Variants in LARGE1 observed in about 807,000 individuals in gnomAD.
LARGE1 encodes LARGE xylosyl- and glucuronyltransferase 1, also known as xylosyl- and glucuronyltransferase LARGE1.
In LARGE1, 43 loss-of-function variants were observed where a neutral mutation model predicts 87.6. The observed-to-expected ratio is 0.49, with a 90% CI of 0.38 to 0.63. The LOEUF (loss-of-function observed/expected upper bound fraction) is 0.63, where lower values mean the gene tolerates loss of function less well. Ranked by LOEUF, LARGE1 falls within the 30% of genes least tolerant of loss-of-function variation. The probability of loss-of-function intolerance (pLI) is 0.00; values close to 1 mark genes in which losing one functional copy is unlikely to be tolerated. For missense variants in LARGE1, 802 were observed against 1,000.2 expected, an observed-to-expected ratio of 0.80 and a Z score of 2.67; for synonymous variants, 434 against 394.6, an observed-to-expected ratio of 1.10 and a Z score of -1.18.
At chr22:33,404,829 C>CT (rs1183700603) in intron 7 of LARGE1, among the ~76,000 whole-genome samples, 10 of 152,204 alleles carry the variant, frequency 6.6e-5, no homozygotes, top group African/African-American at 2.2e-4. Context: ...GCAGTATCTA[C>CT]TGAGTACAGG....
At chr22:33,686,431 T>G (rs762644404) in intron 2 of LARGE1, among the ~76,000 whole-genome samples, 6 of 150,898 alleles carry the variant, frequency 4.0e-5, no homozygotes, top group Admixed American at 6.6e-5. Context: ...TAATCCCAGC[T>G]ACTGGGGAGG....
chr22:33,662,704 A>G (rs766748034), intron 2 of LARGE1, among the ~76,000 whole-genome samples: 79 of 152,280 alleles, frequency 5.2e-4, no homozygotes, highest in Middle Eastern at 3.4e-3. Context: ...CGGCATGAGT[A>G]GCTGCCATCC....
At chr22:33,610,132 C>T (rs1434220738) in intron 4 of LARGE1, among the ~76,000 whole-genome samples, 1 of 152,004 alleles carries the variant, frequency 6.6e-6, no homozygotes, top group East Asian at 1.9e-4. Context: ...GCAAGAACAG[C>T]CTAACACAGA....
chr22:33,449,937 A>T (rs973090617), intron 6 of LARGE1, among the ~76,000 whole-genome samples: 1 of 151,638 alleles, frequency 6.6e-6, no homozygotes, highest in African/African-American at 2.4e-5. Context: ...TTTTTTGAGA[A>T]GTCTTGCTCT....
At chr22:33,683,263 G>A (rs1342627028) in intron 2 of LARGE1, among the ~76,000 whole-genome samples, 1 of 152,202 alleles carries the variant, frequency 6.6e-6, no homozygotes, top group Non-Finnish European at 1.5e-5. Flanking sequence ...CCAATCAATT[G>A]AAGATCTGAG....
the LARGE1 span, among the ~76,000 whole-genome samples, chr22:33,146,588 G>C: frequency 6.6e-6 from 1 of 152,124 alleles, no homozygotes; most frequent in African/African-American, 2.4e-5. Context: ...TCTGGTGGCT[G>C]CAACAATCAT....
At chr22:33,130,197 C>T in the LARGE1 span, among the ~76,000 whole-genome samples, 1 of 150,980 alleles carries the variant, frequency 6.6e-6, no homozygotes, top group South Asian at 2.1e-4. Flanking sequence ...GCCTGTAGTC[C>T]CAGCTACTCT....
At chr22:33,565,753 T>A (rs1301877191) in intron 5 of LARGE1, among the ~76,000 whole-genome samples, 1 of 123,668 alleles carries the variant, frequency 8.1e-6, no homozygotes, top group Non-Finnish European at 1.8e-5. Context: ...GAACCACCCA[T>A]GGAGCACTGA....
At chr22:33,686,553 A>AG (rs1486085602) in intron 2 of LARGE1, among the ~76,000 whole-genome samples, 5 of 69,478 alleles carry the variant, frequency 7.2e-5, no homozygotes, top group African/African-American at 3.3e-4. Flanking sequence ...AAAAAAAAAA[A>AG]AAAAAAAAAA....
chr22:33,220,677 G>A (rs892716674), intron 11 of LARGE1, among the ~76,000 whole-genome samples: 11 of 152,184 alleles, frequency 7.2e-5, no homozygotes, highest in African/African-American at 2.4e-4. Context: ...GCCTGAGCAC[G>A]GCGCTGAAGC....
rs553435830 is a variant in LARGE1 at position 33,547,234 on chromosome 22, A to T, written c.787+17614T>A. On this transcript the variant is annotated intron_variant, in intron 6 of 14. Transcript: ENST00000397394. Reference sequence around the variant, plus strand: ...TTTTCCATGAAGGGTGGTGGGGGGGAGGGTAGGATGGTTTGGGGATGAAAC... The same window carrying T: ...TTTTCCATGAAGGGTGGTGGGGGGGTGGGTAGGATGGTTTGGGGATGAAAC... Among the ~76,000 whole-genome samples, 7 of 145,842 alleles carry T rather than the reference A, an allele frequency of 4.8e-5. No homozygotes were observed. The East Asian group carries it at 1.5e-3, about 30-fold the overall frequency.
intron 11 of LARGE1, among the ~76,000 whole-genome samples, chr22:33,199,836 GCAGA>G (rs771461448): frequency 9.3e-5 from 13 of 139,416 alleles, no homozygotes; most frequent in Non-Finnish European, 2.0e-4. Context: ...CCTGGTACGT[GCAGA>G]CACTTTTTTT....
chr22:33,332,802 T>TCCAGCC (rs1280408307), intron 10 of LARGE1, among the ~76,000 whole-genome samples: 95 of 152,142 alleles, frequency 6.2e-4, no homozygotes, highest in African/African-American at 2.2e-3. Flanking sequence ...TTGCCCCAGC[T>TCCAGCC]CCAGCCCCAG....
chr22:33,368,192 T>C (rs1340521199), intron 9 of LARGE1, among the ~76,000 whole-genome samples: 1 of 152,166 alleles, frequency 6.6e-6, no homozygotes, highest in Non-Finnish European at 1.5e-5. Context: ...AGTTTAAATC[T>C]TCTATAGTCT....
chr22:33,351,078 A>G (rs1417168230), intron 9 of LARGE1, among the ~76,000 whole-genome samples: 2 of 152,232 alleles, frequency 1.3e-5, no homozygotes, highest in Non-Finnish European at 2.9e-5. Flanking sequence ...CTTGTGTGAT[A>G]GCTGTATTCT....
chr22:33,821,950 A>AG (rs1361813630), intron 1 of LARGE1, among the ~76,000 whole-genome samples: 1 of 116,434 alleles, frequency 8.6e-6, no homozygotes, highest in Non-Finnish European at 1.7e-5. Flanking sequence ...TGACTTTTTT[A>AG]GGTTTTTTTT....
At chr22:33,730,804 T>A (rs750999703) in intron 2 of LARGE1, among the ~76,000 whole-genome samples, 10 of 152,018 alleles carry the variant, frequency 6.6e-5, no homozygotes, top group Non-Finnish European at 1.2e-4. Context: ...GCGATTCTTT[T>A]GCCTCAGCCT....
intron 6 of LARGE1, among the ~76,000 whole-genome samples, chr22:33,498,953 C>T (rs552107120): frequency 2.6e-5 from 4 of 152,106 alleles, no homozygotes; most frequent in Non-Finnish European, 5.9e-5. Context: ...GCCTGGGGAA[C>T]AGAGGGAGAT....
In LARGE1 at chr22:33,908,894, C is replaced by T. The variant is rs187613902; in HGVS notation, c.-83+11101G>A. On this transcript the variant is annotated intron_variant, in intron 1 of 14. Transcript: ENST00000397394. Reference sequence around the variant, plus strand: ...ATTGGCTTCACTTTTAAGGTGAATCCAGAACCCAGATGTCAGAGCTCCAAG... The same window carrying T: ...ATTGGCTTCACTTTTAAGGTGAATCTAGAACCCAGATGTCAGAGCTCCAAG... Among the ~76,000 whole-genome samples, 9 of 152,246 alleles carry T rather than the reference C, an allele frequency of 5.9e-5. No individual in the cohort carries two copies. The East Asian group carries it at 1.7e-3, about 29-fold the overall frequency.
Sources: gnomAD v4.1 joint callset for allele counts (sites outside exome capture counted in the v4.1 genomes callset) on GRCh38, gnomAD v4.1.1 for gene constraint, MANE v1.5 for transcripts, NCBI Gene and HGNC (gene_info 2026-07-23, HGNC 2026-07-21) for gene names.